CEP70: variants seen among roughly 807,000 people sequenced by gnomAD.
The protein encoded by CEP70 is centrosomal protein of 70 kDa.
A neutral mutation model predicts 90.9 loss-of-function variants in CEP70; 70 were observed. That is an observed-to-expected ratio of 0.77 (90% CI 0.64 to 0.94). The LOEUF (loss-of-function observed/expected upper bound fraction) is 0.94, where lower values mean the gene tolerates loss of function less well. CEP70 is among the 40% of genes least tolerant of loss of function. The probability of loss-of-function intolerance (pLI) is 0.00; values close to 1 mark genes in which losing one functional copy is unlikely to be tolerated. For synonymous variants in CEP70, 220 were observed against 228.3 expected, an observed-to-expected ratio of 0.96 and a Z score of 0.33; for missense variants, 648 against 669.0, an observed-to-expected ratio of 0.97 and a Z score of 0.35.
intron 2 of CEP70, among the ~76,000 whole-genome samples, chr3:138,576,978 A>T (rs2041569840): frequency 6.6e-6 from 1 of 150,818 alleles, no homozygotes; most frequent in Non-Finnish European, 1.5e-5. Flanking sequence ...GGATTAAGAA[A>T]ATGTGGCACA....
intron 10 of CEP70, among the ~76,000 whole-genome samples, chr3:138,527,735 T>C (rs1286412657): frequency 6.6e-6 from 1 of 151,794 alleles, no homozygotes; most frequent in African/African-American, 2.4e-5. Context: ...TAAAATTATT[T>C]GTAGAGATGA....
chr3:138,510,451 C>T (rs1049858127), intron 11 of CEP70, among the ~76,000 whole-genome samples: 6 of 150,966 alleles, frequency 4.0e-5, no homozygotes, highest in East Asian at 3.9e-4. Context: ...AAAAGAAATA[C>T]TGTGTTAGGA....
rs144084756 is a variant in CEP70, at chr3:138,497,149, T to C, written c.1732+882A>G. On this transcript the variant is annotated intron_variant, in intron 17 of 17. Transcript: ENST00000264982. Reference sequence around the variant, plus strand: ...GACAAGCCTAAAGCAAGCTCACTCATTGTCTCCCTTGCTTCCCCACTGCAC... The same window carrying C: ...GACAAGCCTAAAGCAAGCTCACTCACTGTCTCCCTTGCTTCCCCACTGCAC... 1,635 of 1,102,972 alleles carry C rather than the reference T, an allele frequency of 1.5e-3. 20 individuals are homozygous for C. The African/African-American group carries it at 0.026, about 17-fold the overall frequency. 68.3% of individuals were successfully genotyped at this position (1,102,972 alleles called of 1,614,324 possible).
At chr3:138,496,572 G>A in intron 17 of CEP70, 1 of 985,282 alleles carries the variant, frequency 1.0e-6, no homozygotes, top group Non-Finnish European at 1.2e-6. Flanking sequence ...TGGCCGATAT[G>A]GGAATTTCCT....
intron 8 of CEP70, among the ~76,000 whole-genome samples, chr3:138,530,325 TTAAC>T (rs1398679278): frequency 6.6e-6 from 1 of 152,222 alleles, no homozygotes; most frequent in African/African-American, 2.4e-5. Flanking sequence ...ACATTTCACT[TTAAC>T]TATTGTATCA....
intron 11 of CEP70, among the ~76,000 whole-genome samples, chr3:138,510,114 A>G (rs138747391): frequency 6.6e-6 from 1 of 152,240 alleles, no homozygotes; most frequent in Non-Finnish European, 1.5e-5. Context: ...AATCTGGGCT[A>G]GTTTTGCTGT....
At chr3:138,532,194 G>A (rs1020561553) in intron 8 of CEP70, among the ~76,000 whole-genome samples, 1 of 152,054 alleles carries the variant, frequency 6.6e-6, no homozygotes, top group South Asian at 2.1e-4. Context: ...TGCACTTTGC[G>A]GATATACTTG....
At chr3:138,563,982 T>A (rs2040597925) in intron 6 of CEP70, among the ~76,000 whole-genome samples, 1 of 151,750 alleles carries the variant, frequency 6.6e-6, no homozygotes, top group Non-Finnish European at 1.5e-5. Flanking sequence ...GAGAGAAGAA[T>A]CAAATAGATG....
At chr3:138,573,502 G>A (rs528282444) in intron 2 of CEP70, among the ~76,000 whole-genome samples, 1 of 151,986 alleles carries the variant, frequency 6.6e-6, no homozygotes, top group Non-Finnish European at 1.5e-5. Flanking sequence ...ATTCATTAAC[G>A]AATAATAAAG....
At chr3:138,521,592 G>T (rs1301990786) in intron 11 of CEP70, among the ~76,000 whole-genome samples, 5 of 150,448 alleles carry the variant, frequency 3.3e-5, no homozygotes, top group African/African-American at 1.2e-4. Flanking sequence ...GGGAGGTGAG[G>T]AGCATCTCTA....
chr3:138,576,502 A>G (rs1458900645), intron 2 of CEP70, among the ~76,000 whole-genome samples: 4 of 152,166 alleles, frequency 2.6e-5, no homozygotes, highest in South Asian at 2.1e-4. Flanking sequence ...CAATAATAAT[A>G]GGAGACTTTA....
intron 2 of CEP70, among the ~76,000 whole-genome samples, chr3:138,580,640 C>T (rs941898268): frequency 6.6e-6 from 1 of 152,034 alleles, no homozygotes; most frequent in Non-Finnish European, 1.5e-5. Flanking sequence ...AAGTATCAAG[C>T]CCATCCAGGA....
Position 138,508,433 on chromosome 3 carries a change from C to T in CEP70, c.1050+6G>A. 1 of 1,561,072 alleles carries T rather than the reference C, an allele frequency of 6.4e-7. No homozygotes were observed. On this transcript the variant is annotated splice_donor_region_variant and intron_variant, in intron 12 of 17. Transcript: ENST00000264982. ...GTCTTTTTGTCATGAAAAATCAATT[C>T]AATACCTGAAAGTATCTCTGGTCAA...
chr3:138,524,836 C>T (rs1576641722), intron 11 of CEP70, among the ~76,000 whole-genome samples: 2 of 152,300 alleles, frequency 1.3e-5, no homozygotes, highest in South Asian at 4.1e-4. Context: ...CTAGTTCAAC[C>T]ATTGTGGAAG....
chr3:138,528,710 G>C (rs1431648550), intron 10 of CEP70, among the ~76,000 whole-genome samples: 4 of 149,708 alleles, frequency 2.7e-5, no homozygotes, highest in Admixed American at 2.6e-4. Flanking sequence ...AAAAATTAGA[G>C]GCTGAGGATG....
intron 11 of CEP70, among the ~76,000 whole-genome samples, chr3:138,512,662 C>G (rs975182603): frequency 1.3e-5 from 2 of 152,094 alleles, no homozygotes; most frequent in African/African-American, 2.4e-5. Flanking sequence ...ACTGAGAAAA[C>G]AGAAAACTGT....
chr3:138,529,500 T>C, intron 8 of CEP70, 38 bp from the exon 9 acceptor site: 1 of 1,301,254 alleles, frequency 7.7e-7, no homozygotes, highest in Non-Finnish European at 1.1e-6. Flanking sequence ...ATGAAAAATC[T>C]ATCTTCAAAG....
At chr3:138,579,217 T>A (rs950912170) in intron 2 of CEP70, among the ~76,000 whole-genome samples, 8 of 152,116 alleles carry the variant, frequency 5.3e-5, no homozygotes, top group Non-Finnish European at 8.8e-5. Flanking sequence ...GAACTTGAGT[T>A]TCAGCAAGCC....
intron 6 of CEP70, among the ~76,000 whole-genome samples, chr3:138,538,572 T>G (rs1404052314): frequency 1.3e-5 from 2 of 152,210 alleles, no homozygotes; most frequent in East Asian, 3.9e-4. Flanking sequence ...CAGTGAAAAC[T>G]GAAATAACTA....
Sources: allele counts gnomAD v4.1 joint callset (sites outside exome capture counted in the v4.1 genomes callset), GRCh38; gene constraint gnomAD v4.1.1; transcripts MANE v1.5; gene names NCBI Gene and HGNC (gene_info 2026-07-23, HGNC 2026-07-21).